SYNJ2: variants seen among roughly 807,000 people sequenced by gnomAD.
SYNJ2 encodes synaptojanin 2.
In SYNJ2, 116 loss-of-function variants were observed where a neutral mutation model predicts 141.3. The observed-to-expected ratio is 0.82, with a 90% CI of 0.71 to 0.96. The LOEUF (loss-of-function observed/expected upper bound fraction) is 0.96. SYNJ2 is among the 40% of genes least tolerant of loss of function. SYNJ2 has a pLI of 0.00. For missense variants in SYNJ2, 1,873 were observed against 1,934.8 expected (o/e 0.97, Z 0.60); for synonymous variants, 745 against 777.7 (o/e 0.96, Z 0.70).
In SYNJ2 at chr6:158,064,754, G is replaced by C. The variant is rs373290082; in HGVS notation, c.1359+4G>C. The C allele has an allele frequency of 1.3e-5, 21 of 1,613,356 alleles. No individual in the cohort carries two copies. Among genetic ancestry groups the C allele is most frequent in the Non-Finnish European group, 1.8e-5 (21 of 1,179,828 alleles). The stretch of plus-strand genomic sequence containing the variant: ...AGCCCTGGAAGGGAAGGCCAAGGTA[G>C]GGCCCCGCCGAGGGGGCAGGGTGGG... On this transcript the variant is annotated splice_donor_region_variant and intron_variant, in intron 10 of 26. Transcript: ENST00000355585.
chr6:158,012,935 C>G (rs1027324577), intron 1 of SYNJ2, among the ~76,000 whole-genome samples: 2 of 152,192 alleles, frequency 1.3e-5, no homozygotes, highest in African/African-American at 2.4e-5. Flanking sequence ...TCTGCACTCT[C>G]CCTTCCCCAG....
Position 158,059,275 on chromosome 6 carries a change from G to T in SYNJ2, c.876G>T (p.Lys292Asn). 1 of 1,549,982 alleles carries T rather than the reference G, an allele frequency of 6.5e-7. No homozygotes were observed. The highest frequency in any genetic ancestry group is 8.7e-7 in the Non-Finnish European group (1 of 1,146,686). ...PAFDRHMVLL[K>N]EQYGQQVVVN... is the part of the protein sequence containing the mutation. The stretch of plus-strand genomic sequence containing the variant: ...TTTGCAGGCACATGGTGCTTCTGAA[G>T]GAGCAGTACGGGCAGCAGGTGGTCG... The change falls in exon 7 of 27, where the codon AAG (lysine) becomes AAT (asparagine). Residue 292 changes from lysine to asparagine, a missense_variant. Lys to Asn is a moderately conservative substitution (Grantham distance 94). Coordinates refer to ENST00000355585, the MANE Select transcript of SYNJ2 (RefSeq NM_003898.4).
At chr6:158,065,805 TAC>T (rs1781527737) in intron 11 of SYNJ2, among the ~76,000 whole-genome samples, 1 of 152,362 alleles carries the variant, frequency 6.6e-6, no homozygotes, top group East Asian at 1.9e-4. Flanking sequence ...CTCCATGTTG[TAC>T]AGTGAGTCTT....
chr6:158,054,977 A>G lies in SYNJ2; in HGVS notation c.806A>G (p.His269Arg). Residue 269 changes from histidine to arginine, a missense_variant, in exon 6 of 27, where the codon CAT (histidine) becomes CGT (arginine). By Grantham distance (29) the His-to-Arg change is conservative. Transcript: ENST00000355585. ...WEQPGLQVGS[H>R]HLRLHRGLEA... ...TTCTCTTTGCTTTAGGTTGGCTCCC[A>G]TCATCTGAGACTCCACAGAGGCCTG... is the stretch of plus-strand genomic sequence containing the variant. 1 of 1,614,100 alleles carries G rather than the reference A, an allele frequency of 6.2e-7. No homozygotes were observed. Among genetic ancestry groups the G allele is most frequent in the Non-Finnish European group, 8.5e-7 (1 of 1,180,016 alleles).
Position 158,063,981 on chromosome 6 carries a change from G to A in SYNJ2, c.1209+109G>A, listed in dbSNP as rs112019213. 1.7e-3 allele frequency: 1,927 copies of A among 1,144,730 alleles called. 24 individuals are homozygous for A. The African/African-American group carries it at 0.025, about 15-fold the overall frequency. The allele number at this position is 1,144,730 out of a possible 1,614,324, so 70.9% of individuals were successfully genotyped here. On this transcript the variant is annotated intron_variant, in intron 9 of 26. Transcript: ENST00000355585. The stretch of plus-strand genomic sequence containing the variant: ...GGCAAGATGAGGGTGGCATCACCAA[G>A]ACAACCTTCTGACTATGGGGAAGGT...
chr6:158,090,546 T>G (rs941501125), intron 25 of SYNJ2, among the ~76,000 whole-genome samples: 1 of 145,544 alleles, frequency 6.9e-6, no homozygotes, highest in South Asian at 2.2e-4. Context: ...TTTTTTGTTT[T>G]TTTTTTTTTT....
chr6:158,084,832 ACTT>A lies in SYNJ2; in HGVS notation c.3208+661_3208+663del, dbSNP rs763549101. Reference sequence around the variant, plus strand: ...GTCTCAAAACAACAACAACAAAAAAACTTCTGATTCAATCCCAGTAGAGACATA... The same window carrying A: ...GTCTCAAAACAACAACAACAAAAAAACTGATTCAATCCCAGTAGAGACATA... On this transcript the variant is annotated intron_variant, in intron 22 of 26. Transcript: ENST00000355585. This position sits in a 1 kb window ranked among gnomAD's most constrained non-coding sequence, Gnocchi z 5.0. 1.3e-4 allele frequency among the ~76,000 whole-genome samples: 20 copies of A among 151,874 alleles called. No individual in the cohort carries two copies. The highest frequency in any genetic ancestry group is 2.4e-4 in the Non-Finnish European group (16 of 67,932).
chr6:158,059,155 G>GAA, intron 6 of SYNJ2, 102 bp from the exon 7 acceptor site: 1 of 1,259,840 alleles, frequency 7.9e-7, no homozygotes, highest in Non-Finnish European at 1.0e-6. Context: ...GTGGCACTAA[G>GAA]AAAGCATGAC....
chr6:158,017,403 T>TC (rs1491166558), intron 2 of SYNJ2, 113 bp downstream of exon 2: 1 of 1,014,090 alleles, frequency 9.9e-7, no homozygotes, highest in Admixed American at 3.4e-5. Context: ...TCTCTCTCTC[T>TC]TCTTTTTTTT....
intron 3 of SYNJ2, among the ~76,000 whole-genome samples, chr6:158,031,691 T>C (rs1277744389): frequency 1.3e-5 from 2 of 151,868 alleles, no homozygotes; most frequent in Non-Finnish European, 2.9e-5. Context: ...TAAGGCAGAG[T>C]GAGCAGCAGG....
chr6:158,068,905 C>T (rs917212888), intron 13 of SYNJ2, among the ~76,000 whole-genome samples, 177 bp downstream of exon 13: 6 of 152,168 alleles, frequency 3.9e-5, no homozygotes, highest in Admixed American at 2.6e-4. Flanking sequence ...ATGCACCACC[C>T]CGTTCTTTCC....
At position 158,084,370 on chromosome 6, in the gene SYNJ2, C is replaced by G. The variant is rs763781386; in HGVS notation, c.3208+196C>G. Among the ~76,000 whole-genome samples, 2 of 152,110 alleles carry G rather than the reference C, an allele frequency of 1.3e-5. No homozygotes were observed. Among genetic ancestry groups the G allele is most frequent in the African/African-American group, 4.8e-5 (2 of 41,400 alleles). On this transcript the variant is annotated intron_variant, in intron 22 of 26. Coordinates refer to ENST00000355585, the MANE Select transcript of SYNJ2 (RefSeq NM_003898.4). The surrounding 1 kb of genome is among the most constrained non-coding windows in gnomAD (Gnocchi z 5.0). ...GCCAGCTCCAACACCCTGATTTCCT[C>G]TAGTTAGTTTATTTTTTTACAATAA...
chr6:158,012,596 C>T (rs1216853749), intron 1 of SYNJ2, among the ~76,000 whole-genome samples: 1 of 152,198 alleles, frequency 6.6e-6, no homozygotes, highest in East Asian at 1.9e-4. Flanking sequence ...TTCAGCTCAG[C>T]GAAATCCATT....
At chr6:158,023,168 G>C (rs2128331983) in intron 2 of SYNJ2, among the ~76,000 whole-genome samples, 1 of 151,884 alleles carries the variant, frequency 6.6e-6, no homozygotes, top group Non-Finnish European at 1.5e-5. Context: ...TGACATGGGA[G>C]GATCGCTGGA....
At chr6:158,049,007 C>CAGGGGAGGAGTGGTGTGGTAGGTG (rs1780408594) in intron 5 of SYNJ2, among the ~76,000 whole-genome samples, 1 of 151,914 alleles carries the variant, frequency 6.6e-6, no homozygotes, top group South Asian at 2.1e-4. Context: ...TTTTGGGTAA[C>CAGGGGAGGAGTGGTGTGGTAGGTG]CTTAAGTCTG....
chr6:157,998,457 C>T (rs1583293865), intron 1 of SYNJ2, among the ~76,000 whole-genome samples: 2 of 152,310 alleles, frequency 1.3e-5, no homozygotes, highest in African/African-American at 4.8e-5. Flanking sequence ...ACAGAGTTGA[C>T]GTTCCATCTT....
chr6:158,090,073 T>C (rs2128398984), intron 25 of SYNJ2, 126 bp downstream of exon 25: 3 of 651,960 alleles, frequency 4.6e-6, no homozygotes, highest in Non-Finnish European at 8.2e-6. Context: ...AATGAAAACA[T>C]CCTTTAGCAA....
rs1372529481 is a variant in SYNJ2, at chr6:158,054,967, G to A, written c.796G>A (p.Val266Ile). Residue 266 changes from valine to isoleucine, a missense_variant and splice_region_variant, in exon 6 of 27, where the codon GTT (valine) becomes ATT (isoleucine). Val to Ile is a conservative substitution (Grantham distance 29). Coordinates refer to ENST00000355585, the MANE Select transcript of SYNJ2 (RefSeq NM_003898.4). The stretch of plus-strand genomic sequence containing the variant: ...CTGTTGTTACTTCTCTTTGCTTTAG[G>A]TTGGCTCCCATCATCTGAGACTCCA... Reference protein sequence around the residue: ...PLFWEQPGLQVGSHHLRLHRG... With the variant: ...PLFWEQPGLQIGSHHLRLHRG... The A allele has an allele frequency of 1.2e-6, 2 of 1,614,028 alleles. No individual in the cohort carries two copies. Among genetic ancestry groups the A allele is most frequent in the Non-Finnish European group, 8.5e-7 (1 of 1,180,012 alleles).
chr6:157,997,655 C>T lies in SYNJ2; in HGVS notation c.127+15567C>T, dbSNP rs1049195739. Among the ~76,000 whole-genome samples the T allele has an allele frequency of 1.7e-4, 26 of 152,302 alleles. No homozygotes were observed. The East Asian group carries it at 4.6e-3, about 27-fold the overall frequency. On this transcript the variant is annotated intron_variant, in intron 1 of 26. Coordinates refer to ENST00000355585, the MANE Select transcript of SYNJ2 (RefSeq NM_003898.4). ...TCTGTGGTTCTTTGTTACAGCAACC[C>T]AGGCAACTAATACAGGGGCATTGTG...
Sources: allele counts gnomAD v4.1 joint callset (sites outside exome capture counted in the v4.1 genomes callset), GRCh38; gene constraint gnomAD v4.1.1; non-coding constraint Gnocchi (gnomAD v3.1); transcripts MANE v1.5; gene names NCBI Gene and HGNC (gene_info 2026-07-23, HGNC 2026-07-21).